GNG4: variants seen among roughly 807,000 people sequenced by gnomAD.
GNG4 encodes G protein subunit gamma 4, also known as guanine nucleotide-binding protein G(I)/G(S)/G(O) subunit gamma-4.
In GNG4, 4 loss-of-function variants were observed where a neutral mutation model predicts 5.8. The observed-to-expected ratio is 0.69, with a 90% CI of 0.34 to 1.57. The LOEUF (loss-of-function observed/expected upper bound fraction) is 1.57, where lower values mean the gene tolerates loss of function less well. Among genes scored for constraint, GNG4 ranks in the 40% most tolerant of loss-of-function variants. GNG4 has a pLI of 0.06. For synonymous variants in GNG4, 29 were observed against 32.9 expected (o/e 0.88, Z 0.41); for missense variants, 96 against 95.1 (o/e 1.01, Z -0.04).
intron 1 of GNG4, among the ~76,000 whole-genome samples, chr1:235,638,298 T>C (rs1657190977): frequency 6.6e-6 from 1 of 152,228 alleles, no homozygotes; most frequent in African/African-American, 2.4e-5. Context: ...CATATATTTA[T>C]GGCTTAAAAC....
intron 2 of GNG4, among the ~76,000 whole-genome samples, chr1:235,585,016 C>A (rs1418199561): frequency 6.6e-6 from 1 of 152,108 alleles, no homozygotes; most frequent in East Asian, 1.9e-4. Flanking sequence ...ACTGCCCATT[C>A]CAATCCTTTT....
intron 1 of GNG4, among the ~76,000 whole-genome samples, chr1:235,599,353 G>A (rs1688201270): frequency 6.9e-6 from 1 of 144,394 alleles, no homozygotes; most frequent in African/African-American, 2.6e-5. Flanking sequence ...GTCTCGCTTT[G>A]TTGCCTAGGC....
chr1:235,589,978 G>A (rs1040112186), intron 2 of GNG4, among the ~76,000 whole-genome samples: 1 of 152,316 alleles, frequency 6.6e-6, no homozygotes, highest in African/African-American at 2.4e-5. Flanking sequence ...CAGGTCAGTA[G>A]ACCGCTCCCC....
intron 3 of GNG4, among the ~76,000 whole-genome samples, chr1:235,569,606 T>C (rs773726839): frequency 6.6e-5 from 10 of 152,064 alleles, no homozygotes; most frequent in South Asian, 2.1e-4. Context: ...CTTGGCTCAC[T>C]AGATTCCTCA....
intron 1 of GNG4, among the ~76,000 whole-genome samples, chr1:235,641,294 G>C (rs560165691): frequency 7.7e-4 from 118 of 152,288 alleles, no homozygotes; most frequent in African/African-American, 2.7e-3. Flanking sequence ...GGAGACTGAA[G>C]TGGAAGGCTC....
chr1:235,647,127 C>T (rs956605728), intron 1 of GNG4, among the ~76,000 whole-genome samples: 1 of 151,998 alleles, frequency 6.6e-6, no homozygotes, highest in African/African-American at 2.4e-5. Context: ...TTATGTAGTA[C>T]TTATACCTCT....
chr1:235,645,887 T>C (rs1351758591), intron 1 of GNG4, among the ~76,000 whole-genome samples: 7 of 152,112 alleles, frequency 4.6e-5, no homozygotes, highest in African/African-American at 1.7e-4. Context: ...CTCTCTTTCT[T>C]TGTTGGAGCC....
In GNG4 at chr1:235,554,467, A is replaced by C. The variant is rs553361843; in HGVS notation, c.100-2230T>G. Among the ~76,000 whole-genome samples the C allele has an allele frequency of 1.3e-4, 20 of 152,316 alleles. 1 individual carries two copies. In the South Asian group the frequency reaches 3.9e-3, roughly 30 times the overall value. ...AGGGCTGCAGTGTTGGAACAACCAC[A>C]TTCCTCCTCTAGGAGCCACTGTCCT... On this transcript the variant is annotated intron_variant, in intron 3 of 3. Coordinates refer to ENST00000391854, the MANE Select transcript of GNG4 (RefSeq NM_001098722.2).
chr1:235,607,661 C>T lies in GNG4; in HGVS notation c.-122-12150G>A, dbSNP rs540754824. On this transcript the variant is annotated intron_variant, in intron 1 of 3. Coordinates refer to ENST00000391854, the MANE Select transcript of GNG4 (RefSeq NM_001098722.2). ...TTCGCAGCAGTTCATCCATCCACGC[C>T]GCCCAGCCTGACTCCCTTTCATGCC... is the stretch of plus-strand genomic sequence containing the variant. 2.0e-5 allele frequency among the ~76,000 whole-genome samples: 3 copies of T among 152,348 alleles called. No individual in the cohort carries two copies. The South Asian group carries it at 6.2e-4, about 32-fold the overall frequency.
intron 1 of GNG4, among the ~76,000 whole-genome samples, chr1:235,611,135 G>A (rs57652044): frequency 0.024 from 3,585 of 151,116 alleles, 147 homozygotes; most frequent in African/African-American, 0.082. Context: ...GAGATAAAAT[G>A]TAGTTACCCA....
rs1056006316 is a variant in GNG4, at chr1:235,547,811, C to G, written c.*4298G>C. On this transcript the variant is annotated 3_prime_UTR_variant, in exon 4 of 4. Coordinates refer to ENST00000391854, the MANE Select transcript of GNG4 (RefSeq NM_001098722.2). ...GCACCCAGGTAACCGGCAACCAGATCAAGAAACAGAACACCCCAGAAGCAC... is the reference window on the plus strand; with the variant it reads ...GCACCCAGGTAACCGGCAACCAGATGAAGAAACAGAACACCCCAGAAGCAC... The G allele has an allele frequency of 4.6e-5, 7 of 152,212 alleles. No individual in the cohort carries two copies. The highest frequency in any genetic ancestry group is 1.0e-4 in the Non-Finnish European group (7 of 68,074). 9.4% of individuals were successfully genotyped at this position (152,212 alleles called of 1,614,324 possible). A position where few individuals can be genotyped will look rare whatever the true frequency, so the allele number is the denominator to read the frequency against.
chr1:235,592,710 T>C (rs1385986813), intron 2 of GNG4, among the ~76,000 whole-genome samples: 1 of 152,178 alleles, frequency 6.6e-6, no homozygotes, highest in Non-Finnish European at 1.5e-5. Flanking sequence ...TCAAAACCAC[T>C]GTGCAACCGC....
At chr1:235,558,206 A>G (rs1686968151) in intron 3 of GNG4, among the ~76,000 whole-genome samples, 1 of 146,134 alleles carries the variant, frequency 6.8e-6, no homozygotes. Context: ...TCCGTGAAAC[A>G]TTAATTTCCT....
At position 235,551,081 on chromosome 1, in the gene GNG4, G is replaced by A. The variant is rs1052695565; in HGVS notation, c.*1028C>T. ...AGGAAGAGGTGGCATTTGGAGAGGG[G>A]AGACCGCACCCACAGGTCTGCCACA... is the stretch of plus-strand genomic sequence containing the variant. On this transcript the variant is annotated 3_prime_UTR_variant, in exon 4 of 4. Transcript: ENST00000391854. 4 of 152,478 alleles carry A rather than the reference G, an allele frequency of 2.6e-5. No homozygotes were observed. Among genetic ancestry groups the A allele is most frequent in the African/African-American group, 7.2e-5 (3 of 41,450 alleles). 9.4% of individuals were successfully genotyped at this position (152,478 alleles called of 1,614,324 possible). A position where few individuals can be genotyped will look rare whatever the true frequency, so the allele number is the denominator to read the frequency against.
At position 235,548,291 on chromosome 1, in the gene GNG4, T is replaced by C. The variant is rs563902282; in HGVS notation, c.*3818A>G. On this transcript the variant is annotated 3_prime_UTR_variant, in exon 4 of 4. Transcript: ENST00000391854. The stretch of plus-strand genomic sequence containing the variant: ...GATGGAGTTTGCTGGCTCAAAGAAT[T>C]GACAGAAAACTAGAAGGGAGGTCTG... 1 of 152,228 alleles carries C rather than the reference T, an allele frequency of 6.6e-6. No individual in the cohort carries two copies. The highest frequency in any genetic ancestry group is 2.1e-4 in the South Asian group (1 of 4,832). The allele number at this position is 152,228 out of a possible 1,614,324, so 9.4% of individuals were successfully genotyped here. A position where few individuals can be genotyped will look rare whatever the true frequency, so the allele number is the denominator to read the frequency against.
At chr1:235,641,143 T>C (rs1316054567) in intron 1 of GNG4, among the ~76,000 whole-genome samples, 1 of 152,214 alleles carries the variant, frequency 6.6e-6, no homozygotes, top group African/African-American at 2.4e-5. Flanking sequence ...TTATGCACTT[T>C]GGGAGGCCGA....
At chr1:235,574,878 G>A (rs1466445318) in intron 3 of GNG4, among the ~76,000 whole-genome samples, 1 of 152,110 alleles carries the variant, frequency 6.6e-6, no homozygotes, top group African/African-American at 2.4e-5. Flanking sequence ...AGGTTGGAAT[G>A]CAGTGGCGCA....
intron 1 of GNG4, among the ~76,000 whole-genome samples, chr1:235,647,335 T>A (rs940806008): frequency 2.6e-5 from 4 of 152,026 alleles, no homozygotes; most frequent in African/African-American, 9.7e-5. Flanking sequence ...ATTTTAAAGT[T>A]ACTACTTCAA....
rs1480707607 is a variant in GNG4 at position 235,649,581 on chromosome 1, C to T, written c.-123+81G>A. 1 of 152,280 alleles carries T rather than the reference C, an allele frequency of 6.6e-6. No homozygotes were observed. Among genetic ancestry groups the T allele is most frequent in the Non-Finnish European group, 1.5e-5 (1 of 68,098 alleles). 9.4% of individuals were successfully genotyped at this position (152,280 alleles called of 1,614,324 possible). A position where few individuals can be genotyped will look rare whatever the true frequency, so the allele number is the denominator to read the frequency against. On this transcript the variant is annotated intron_variant, in intron 1 of 3. Coordinates refer to ENST00000391854, the MANE Select transcript of GNG4 (RefSeq NM_001098722.2). This position sits in a 1 kb window ranked among gnomAD's most constrained non-coding sequence, Gnocchi z 5.7. ...TCCCTAGGTCCGGAGACTTTCACCCCGAGTTTCCCTTCCGCGTCTGGCTGC... is the reference window on the plus strand; with the variant it reads ...TCCCTAGGTCCGGAGACTTTCACCCTGAGTTTCCCTTCCGCGTCTGGCTGC...
Sources: allele counts gnomAD v4.1 joint callset (sites outside exome capture counted in the v4.1 genomes callset), GRCh38; gene constraint gnomAD v4.1.1; non-coding constraint Gnocchi (gnomAD v3.1); transcripts MANE v1.5; gene names NCBI Gene and HGNC (gene_info 2026-07-23, HGNC 2026-07-21).